SOX5: variants seen among roughly 807,000 people sequenced by gnomAD.
SOX5 encodes the protein SRY-box transcription factor 5.
SOX5 carries 9 observed loss-of-function variants against 92.0 expected under a neutral mutation model. The observed-to-expected ratio is 0.10, with a 90% CI of 0.06 to 0.17. SOX5 has a LOEUF of 0.17. Among genes scored for constraint, SOX5 ranks in the 10% least tolerant of loss-of-function variants. The probability of loss-of-function intolerance (pLI) is 1.00; values close to 1 mark genes in which losing one functional copy is unlikely to be tolerated. For missense variants in SOX5, 642 were observed against 944.5 expected (o/e 0.68, Z 4.20); for synonymous variants, 344 against 336.3 (o/e 1.02, Z -0.25).
At chr12:23,985,128 A>AT (rs1452710835) in intron 4 of SOX5, among the ~76,000 whole-genome samples, 1 of 152,118 alleles carries the variant, frequency 6.6e-6, no homozygotes, top group Non-Finnish European at 1.5e-5. Flanking sequence ...CAAGTGCATC[A>AT]TTTTTTTAGC....
intron 1 of SOX5, among the ~76,000 whole-genome samples, chr12:23,925,465 T>C (rs1939698073): frequency 6.6e-6 from 1 of 152,094 alleles, no homozygotes; most frequent in African/African-American, 2.4e-5. Flanking sequence ...TTTCAGAATA[T>C]AATTGGTAAT....
chr12:23,822,230 G>C (rs1360323075), intron 3 of SOX5, among the ~76,000 whole-genome samples: 2 of 152,122 alleles, frequency 1.3e-5, no homozygotes, highest in Admixed American at 1.3e-4. Context: ...GTTGACTTTA[G>C]ATCTTTCCCA....
intron 4 of SOX5, among the ~76,000 whole-genome samples, chr12:24,065,782 T>C (rs1940635862): frequency 6.6e-6 from 1 of 152,222 alleles, no homozygotes; most frequent in Non-Finnish European, 1.5e-5. Flanking sequence ...ACTTCTTCAC[T>C]TTGTGCCCAG....
At chr12:24,481,310 A>T (rs1945968552) in intron 1 of SOX5, among the ~76,000 whole-genome samples, 1 of 152,150 alleles carries the variant, frequency 6.6e-6, no homozygotes, top group East Asian at 1.9e-4. Context: ...GTTAATGGGT[A>T]CAAGGAAATA....
chr12:24,271,842 CAT>C (rs1432687637), intron 3 of SOX5, among the ~76,000 whole-genome samples: 2 of 152,118 alleles, frequency 1.3e-5, no homozygotes, highest in East Asian at 3.8e-4. Flanking sequence ...GCAGGAATGC[CAT>C]ACTTTCTGAA....
chr12:24,428,579 C>A (rs1966972593), intron 1 of SOX5, among the ~76,000 whole-genome samples: 1 of 151,662 alleles, frequency 6.6e-6, no homozygotes, highest in Non-Finnish European at 1.5e-5. Flanking sequence ...TGAGACCAGT[C>A]TGGACCACAG....
intron 1 of SOX5, among the ~76,000 whole-genome samples, chr12:24,445,161 T>G (rs1159607688): frequency 6.6e-6 from 1 of 152,196 alleles, no homozygotes; most frequent in East Asian, 1.9e-4. Flanking sequence ...TCATTTCAAG[T>G]TAAACGAGAA....
chr12:23,855,860 C>T (rs927953579), intron 2 of SOX5, among the ~76,000 whole-genome samples: 17 of 152,136 alleles, frequency 1.1e-4, no homozygotes, highest in East Asian at 3.9e-4. Flanking sequence ...AAAATCAGTC[C>T]GCTCTGTTAC....
intron 4 of SOX5, among the ~76,000 whole-genome samples, chr12:24,164,253 T>C (rs1953119769): frequency 6.6e-6 from 1 of 152,068 alleles, no homozygotes; most frequent in African/African-American, 2.4e-5. Context: ...GTAGCTGATG[T>C]TTTATTGTTC....
intron 2 of SOX5, among the ~76,000 whole-genome samples, chr12:24,340,641 AT>A (rs1175183578): frequency 6.6e-6 from 1 of 152,138 alleles, no homozygotes. Context: ...TCACCAATGA[AT>A]TTTCTATTAA....
intron 4 of SOX5, among the ~76,000 whole-genome samples, chr12:24,183,572 G>T (rs998493580): frequency 6.6e-6 from 1 of 151,876 alleles, no homozygotes; most frequent in Non-Finnish European, 1.5e-5. Flanking sequence ...TAAATATATG[G>T]TATATTAATT....
At chr12:23,606,386 G>A (rs78864819) in intron 8 of SOX5, among the ~76,000 whole-genome samples, 114 of 151,660 alleles carry the variant, frequency 7.5e-4, no homozygotes, top group Middle Eastern at 9.6e-3. Context: ...ATTATTACTA[G>A]AGGATAAAAG....
chr12:24,446,641 G>A (rs150200271), intron 1 of SOX5, among the ~76,000 whole-genome samples: 10 of 152,296 alleles, frequency 6.6e-5, no homozygotes, highest in Non-Finnish European at 1.3e-4. Flanking sequence ...ACTCTATAGT[G>A]CAAGTGGGGG....
intron 1 of SOX5, among the ~76,000 whole-genome samples, chr12:23,937,618 C>T (rs1244686196): frequency 2.7e-5 from 4 of 150,878 alleles, no homozygotes; most frequent in Admixed American, 6.6e-5. Flanking sequence ...TCATAACCAT[C>T]TGGGGTTCTC....
At chr12:23,620,079 G>A (rs994227478) in intron 8 of SOX5, among the ~76,000 whole-genome samples, 5 of 152,034 alleles carry the variant, frequency 3.3e-5, no homozygotes, top group African/African-American at 1.2e-4. Flanking sequence ...ACTACAGGCA[G>A]GCAAATCAGG....
At chr12:23,540,485 G>A (rs1941770408) in intron 13 of SOX5, among the ~76,000 whole-genome samples, 1 of 151,864 alleles carries the variant, frequency 6.6e-6, no homozygotes, top group African/African-American at 2.4e-5. Flanking sequence ...GCTCAAAATA[G>A]GGGAAAAAAT....
chr12:23,757,092 A>C (rs1437328147), intron 3 of SOX5, among the ~76,000 whole-genome samples: 1 of 151,902 alleles, frequency 6.6e-6, no homozygotes, highest in African/African-American at 2.4e-5. Context: ...AATGGTGAAA[A>C]GCTCTGAATG....
chr12:23,629,776 C>T (rs972037728), intron 8 of SOX5, among the ~76,000 whole-genome samples: 1 of 151,894 alleles, frequency 6.6e-6, no homozygotes, highest in African/African-American at 2.4e-5. Flanking sequence ...TTTCAACCTC[C>T]TCTATCATCC....
At chr12:24,391,904 C>T (rs560928660) in intron 1 of SOX5, among the ~76,000 whole-genome samples, 10 of 152,254 alleles carry the variant, frequency 6.6e-5, no homozygotes, top group Admixed American at 1.3e-4. Flanking sequence ...TTTTCTTCTA[C>T]AGGTTATTTC....
Sources: gnomAD v4.1 joint callset for allele counts (sites outside exome capture counted in the v4.1 genomes callset) on GRCh38, gnomAD v4.1.1 for gene constraint, MANE v1.5 for transcripts, NCBI Gene and HGNC (gene_info 2026-07-23, HGNC 2026-07-21) for gene names.